The following FSTL5 variants were observed in gnomAD, a reference collection of about 807,000 sequenced individuals.
FSTL5 encodes the protein follistatin-related protein 5.
Under a neutral mutation model 89.1 loss-of-function variants are expected in FSTL5, and 62 were observed. The observed-to-expected ratio is 0.70, with a 90% CI of 0.57 to 0.86. The LOEUF is 0.86. Ranked by LOEUF, FSTL5 falls within the 40% of genes least tolerant of loss-of-function variation. The probability of loss-of-function intolerance (pLI) is 0.00; values close to 1 mark genes in which losing one functional copy is unlikely to be tolerated. For synonymous variants in FSTL5, 383 were observed against 346.2 expected, an observed-to-expected ratio of 1.11 and a Z score of -1.18; for missense variants, 1,057 against 1,001.6, an observed-to-expected ratio of 1.06 and a Z score of -0.75.
At chr4:162,045,411 TA>T (rs1410360986) in intron 2 of FSTL5, among the ~76,000 whole-genome samples, 2 of 152,110 alleles carry the variant, frequency 1.3e-5, no homozygotes, top group African/African-American at 4.8e-5. Context: ...GTAATAATTG[TA>T]ACATCAAGCT....
chr4:162,157,310 G>A (rs1240049571), intron 1 of FSTL5, among the ~76,000 whole-genome samples: 1 of 151,952 alleles, frequency 6.6e-6, no homozygotes, highest in African/African-American at 2.4e-5. Context: ...TCAACTGACT[G>A]CCAGAAAAAA....
At chr4:161,571,333 GACAAACCCC>G (rs1733000591) in intron 8 of FSTL5, among the ~76,000 whole-genome samples, 1 of 151,860 alleles carries the variant, frequency 6.6e-6, no homozygotes, top group African/African-American at 2.4e-5. Flanking sequence ...CTCTCACTGT[GACAAACCCC>G]ACAGAAAAAT....
intron 4 of FSTL5, among the ~76,000 whole-genome samples, chr4:161,846,010 T>C (rs1424084993): frequency 6.6e-6 from 1 of 150,574 alleles, no homozygotes; most frequent in Non-Finnish European, 1.5e-5. Context: ...GATGCCACTG[T>C]ACTCCAGGAG....
chr4:161,941,446 G>A lies in FSTL5; in HGVS notation c.161-20794C>T, dbSNP rs573176620. ...AAAAATCAGCTGAAAGTGAGAATAT[G>A]AGAAAACATTCTGTGTAAGTAAGCA... On this transcript the variant is annotated intron_variant, in intron 3 of 15. Coordinates refer to ENST00000306100, the MANE Select transcript of FSTL5 (RefSeq NM_020116.5). 2.6e-5 allele frequency among the ~76,000 whole-genome samples: 4 copies of A among 151,954 alleles called. No homozygotes were observed. In the East Asian group the frequency reaches 5.8e-4, roughly 22 times the overall value.
At chr4:162,081,650 A>G (rs1449387637) in intron 2 of FSTL5, among the ~76,000 whole-genome samples, 1 of 151,642 alleles carries the variant, frequency 6.6e-6, no homozygotes, top group Non-Finnish European at 1.5e-5. Flanking sequence ...TATTCCAGTT[A>G]CTATTTAACA....
chr4:162,133,405 T>G (rs956808789), intron 1 of FSTL5, among the ~76,000 whole-genome samples: 1 of 152,182 alleles, frequency 6.6e-6, no homozygotes, highest in Non-Finnish European at 1.5e-5. Context: ...TTCCTACTCA[T>G]GTTTTTACAG....
chr4:161,854,807 T>A (rs1731671624), intron 4 of FSTL5, among the ~76,000 whole-genome samples: 1 of 152,074 alleles, frequency 6.6e-6, no homozygotes, highest in African/African-American at 2.4e-5. Flanking sequence ...ATACCTTTAC[T>A]TTTTAAGGTT....
intron 6 of FSTL5, among the ~76,000 whole-genome samples, chr4:161,681,055 G>A (rs1737501554): frequency 6.6e-6 from 1 of 152,090 alleles, no homozygotes; most frequent in African/African-American, 2.4e-5. Flanking sequence ...TCCGTTACAT[G>A]AGCGAGTAGC....
chr4:161,770,166 C>A (rs1021141020), intron 5 of FSTL5, among the ~76,000 whole-genome samples: 4 of 151,988 alleles, frequency 2.6e-5, no homozygotes, highest in African/African-American at 7.2e-5. Context: ...CAAATGGAAA[C>A]AATTGAACTT....
intron 7 of FSTL5, among the ~76,000 whole-genome samples, chr4:161,590,110 T>C (rs994129496): frequency 6.6e-6 from 1 of 152,110 alleles, no homozygotes; most frequent in Non-Finnish European, 1.5e-5. Flanking sequence ...TCATAAATAT[T>C]AAAATCTTTT....
chr4:161,396,971 T>TACTCTCTTC (rs1731025628), intron 15 of FSTL5, among the ~76,000 whole-genome samples: 1 of 152,158 alleles, frequency 6.6e-6, no homozygotes, highest in South Asian at 2.1e-4. Flanking sequence ...CAACTCTCTT[T>TACTCTCTTC]ACTCTCTTCT....
chr4:161,395,180 T>C (rs944227909), intron 15 of FSTL5, among the ~76,000 whole-genome samples: 1 of 152,136 alleles, frequency 6.6e-6, no homozygotes, highest in Non-Finnish European at 1.5e-5. Flanking sequence ...AAGATGAAGA[T>C]ATTTAGCAGA....
chr4:161,475,876 A>T (rs1323785719), intron 13 of FSTL5, among the ~76,000 whole-genome samples: 2 of 151,930 alleles, frequency 1.3e-5, no homozygotes, highest in African/African-American at 2.4e-5. Context: ...CAGCCTCCCG[A>T]GTAGATGAGA....
At chr4:162,007,109 T>C (rs1407595477) in intron 3 of FSTL5, among the ~76,000 whole-genome samples, 1 of 151,860 alleles carries the variant, frequency 6.6e-6, no homozygotes, top group Non-Finnish European at 1.5e-5. Context: ...CATCAGTGGT[T>C]GATAAAATAT....
At chr4:161,723,645 A>C (rs550727636) in intron 6 of FSTL5, among the ~76,000 whole-genome samples, 2 of 152,308 alleles carry the variant, frequency 1.3e-5, no homozygotes, top group East Asian at 3.9e-4. Flanking sequence ...GAACAATGCC[A>C]GCAAACTGAG....
At chr4:162,081,574 T>C (rs937656898) in intron 2 of FSTL5, among the ~76,000 whole-genome samples, 25 of 151,776 alleles carry the variant, frequency 1.6e-4, no homozygotes, top group African/African-American at 5.5e-4. Flanking sequence ...GCTTTTGCCA[T>C]GGGAATCAAG....
At chr4:161,416,670 C>T (rs1465444784) in intron 15 of FSTL5, among the ~76,000 whole-genome samples, 1 of 151,768 alleles carries the variant, frequency 6.6e-6, no homozygotes, top group Non-Finnish European at 1.5e-5. Context: ...TGGTAAAACC[C>T]CATCTCTACA....
intron 10 of FSTL5, among the ~76,000 whole-genome samples, chr4:161,511,453 T>G (rs1730648668): frequency 6.6e-6 from 1 of 152,166 alleles, no homozygotes; most frequent in African/African-American, 2.4e-5. Flanking sequence ...AAATACATGA[T>G]GTGTGCATTC....
At chr4:161,680,760 C>T (rs1737491950) in intron 6 of FSTL5, among the ~76,000 whole-genome samples, 1 of 151,622 alleles carries the variant, frequency 6.6e-6, no homozygotes, top group Non-Finnish European at 1.5e-5. Flanking sequence ...ATCTGGAAAA[C>T]ATTTGTCAAG....
Sources: gnomAD v4.1 joint callset for allele counts (sites outside exome capture counted in the v4.1 genomes callset) on GRCh38, gnomAD v4.1.1 for gene constraint, MANE v1.5 for transcripts, NCBI Gene and HGNC (gene_info 2026-07-23, HGNC 2026-07-21) for gene names.